PYHIN1: variants seen among roughly 807,000 people sequenced by gnomAD.
The protein encoded by PYHIN1 is pyrin and HIN domain family member 1, also known as pyrin and HIN domain-containing protein 1.
PYHIN1 carries 32 observed loss-of-function variants against 43.7 expected under a neutral mutation model. That is an observed-to-expected ratio of 0.73 (90% CI 0.55 to 0.98). PYHIN1 has a LOEUF of 0.98. PYHIN1 is among the 50% of genes least tolerant of loss of function. The pLI is 0.00. For synonymous variants in PYHIN1, 205 were observed against 203.1 expected (o/e 1.01, Z -0.08); for missense variants, 588 against 589.5 (o/e 1.00, Z 0.03).
At chr1:158,981,672 T>C (rs1651489544), downstream of PYHIN1, among the ~76,000 whole-genome samples, 1 of 152,140 alleles carries the variant, frequency 6.6e-6, no homozygotes, top group Admixed American at 6.5e-5. Flanking sequence ...AGCATCAGGA[T>C]CACTGGCTAG....
intron 7 of PYHIN1, among the ~76,000 whole-genome samples, chr1:158,963,908 A>T (rs551195360): frequency 3.9e-5 from 6 of 152,374 alleles, no homozygotes; most frequent in African/African-American, 1.4e-4. Flanking sequence ...TGACAGAAAT[A>T]GAATTCAGAA....
chr1:158,945,077 C>A (rs201861449), intron 7 of PYHIN1, 35 bp downstream of exon 7: 17 of 1,567,122 alleles, frequency 1.1e-5, no homozygotes, highest in Admixed American at 1.9e-5. Context: ...TCTTATCTCC[C>A]AAATATAAAT....
intron 7 of PYHIN1, among the ~76,000 whole-genome samples, chr1:158,957,776 G>T (rs1443076772): frequency 3.4e-5 from 5 of 146,266 alleles, no homozygotes; most frequent in South Asian, 2.3e-4. Context: ...AAACTAAAGA[G>T]CTTCTGCACA....
chr1:158,967,668 G>A (rs2101724267), intron 7 of PYHIN1, among the ~76,000 whole-genome samples: 1 of 152,118 alleles, frequency 6.6e-6, no homozygotes, highest in South Asian at 2.1e-4. Flanking sequence ...AAAGCTGGAG[G>A]TATCACTTGA....
chr1:158,938,310 G>C lies in PYHIN1; in HGVS notation c.266-87G>C, dbSNP rs923405550. 2.1e-6 allele frequency: 3 copies of C among 1,397,718 alleles called. No individual in the cohort carries two copies. The African/African-American group carries it at 4.3e-5, about 20-fold the overall frequency. The allele number at this position is 1,397,718 out of a possible 1,614,324, so 86.6% of individuals were successfully genotyped here. On this transcript the variant is annotated intron_variant, in intron 2 of 8. Transcript: ENST00000368140. ...AAAATACACCTGAACCCTCAAGCAG[G>C]AGCTAAGAGCAAATAGTATTGAAAC...
At chr1:158,990,666 T>C in the PYHIN1 span, among the ~76,000 whole-genome samples, 8 of 152,302 alleles carry the variant, frequency 5.3e-5, no homozygotes, top group African/African-American at 1.7e-4. Context: ...ATTTTCCCAT[T>C]TCTCCCTCCC....
In PYHIN1 at chr1:158,933,287, T is replaced by C. The variant is rs941975154; in HGVS notation, c.-21+1511T>C. On this transcript the variant is annotated intron_variant, in intron 1 of 8. Coordinates refer to ENST00000368140, the MANE Select transcript of PYHIN1 (RefSeq NM_152501.5). This position sits in a 1 kb window ranked among gnomAD's most constrained non-coding sequence, Gnocchi z 6.3. ...ATATGTGTGTATATGAAGATAAATA[T>C]ATTATATAACATTATATTATCATGA... is the stretch of plus-strand genomic sequence containing the variant. 1.3e-5 allele frequency among the ~76,000 whole-genome samples: 2 copies of C among 151,300 alleles called. No individual in the cohort carries two copies. The highest frequency in any genetic ancestry group is 4.8e-5 in the African/African-American group (2 of 41,320).
At chr1:158,961,518 T>C (rs937813149) in intron 7 of PYHIN1, among the ~76,000 whole-genome samples, 5 of 151,252 alleles carry the variant, frequency 3.3e-5, no homozygotes, top group Admixed American at 6.6e-5. Context: ...AGGTGGACCA[T>C]TGAGATCCAC....
chr1:158,942,956 G>A (rs910924759), intron 5 of PYHIN1, among the ~76,000 whole-genome samples: 1 of 152,102 alleles, frequency 6.6e-6, no homozygotes, highest in Non-Finnish European at 1.5e-5. Context: ...ATAAATTTGG[G>A]TGATACTTGG....
In PYHIN1 at chr1:158,936,947, G is replaced by A; in HGVS notation, c.37G>A (p.Gly13Arg). ...CTACAAGAAAATTGTTCTACTGAAA[G>A]GATTAGAGGTCATCAATGATTATCA... Reference protein sequence around the residue: ...NNYKKIVLLKGLEVINDYHFR... With the variant: ...NNYKKIVLLKRLEVINDYHFR... Residue 13 changes from glycine to arginine, a missense_variant, in exon 2 of 9, where the codon GGA becomes AGA. Physicochemically the swap from Gly to Arg is moderately radical, Grantham distance 125 (BLOSUM62 -2). Coordinates refer to ENST00000368140, the MANE Select transcript of PYHIN1 (RefSeq NM_152501.5). 1.2e-6 allele frequency: 2 copies of A among 1,600,342 alleles called. No homozygotes were observed. The highest frequency in any genetic ancestry group is 1.7e-6 in the Non-Finnish European group (2 of 1,175,250).
chr1:158,977,068 G>A (rs541132508), downstream of PYHIN1: 1 of 153,550 alleles, frequency 6.5e-6, no homozygotes, highest in South Asian at 2.1e-4. Flanking sequence ...TGCTTCCATA[G>A]GAGTTTCTTT....
At chr1:158,967,467 T>G (rs1401454604) in intron 7 of PYHIN1, among the ~76,000 whole-genome samples, 25 of 151,986 alleles carry the variant, frequency 1.6e-4, no homozygotes, top group Non-Finnish European at 3.2e-4. Context: ...TAGGAAAAGT[T>G]CCATGCTCAT....
chr1:158,963,586 G>A (rs1650454577), intron 7 of PYHIN1, among the ~76,000 whole-genome samples: 1 of 152,180 alleles, frequency 6.6e-6, no homozygotes, highest in Admixed American at 6.5e-5. Flanking sequence ...CCCTGCATAT[G>A]GCAGAGCAAG....
chr1:158,973,670 A>T lies in PYHIN1; in HGVS notation c.1383A>T (p.Ala461=). The change falls in exon 8 of 9, where the codon GCA becomes GCT. Residue 461 remains alanine, a synonymous_variant. Transcript: ENST00000368140. ...FTKKDETHPG[A]QSSPANFRIT... is the part of the protein sequence containing the mutation. ...AGAAGGATGAAACCCACCCAGGAGC[A>T]CAGTCATCGCCTGCAAACTTTAGAA... 1 of 1,613,230 alleles carries T rather than the reference A, an allele frequency of 6.2e-7. No individual in the cohort carries two copies. Among genetic ancestry groups the T allele is most frequent in the Non-Finnish European group, 8.5e-7 (1 of 1,179,464 alleles).
intron 7 of PYHIN1, among the ~76,000 whole-genome samples, chr1:158,967,757 T>A (rs112955780): frequency 0.1 from 15,230 of 151,936 alleles, 927 homozygotes; most frequent in Non-Finnish European, 0.12. Context: ...CATAGACCAA[T>A]GAAACAGAAT....
Position 158,937,192 on chromosome 1 carries a change from A to T in PYHIN1, c.265+17A>T. On this transcript the variant is annotated intron_variant, in intron 2 of 8. Transcript: ENST00000368140. ...AGTTAAAAGGTAATTGGGAAGAGGGAACACCCACTCCCTGCAATGATCCCC... is the reference window on the plus strand; with the variant it reads ...AGTTAAAAGGTAATTGGGAAGAGGGTACACCCACTCCCTGCAATGATCCCC... 6.4e-7 allele frequency: 1 copy of T among 1,556,560 alleles called. No individual in the cohort carries two copies. Among genetic ancestry groups the T allele is most frequent in the Non-Finnish European group, 8.7e-7 (1 of 1,154,692 alleles).
rs541452751 is a variant in PYHIN1 at position 158,940,606 on chromosome 1, AT to A, written c.579+1360del. ...TCTAATGAGCTTTATTATTAAAAAA[AT>A]GTTCTATATTTCTGATACACAATAA... On this transcript the variant is annotated intron_variant, in intron 4 of 8. Coordinates refer to ENST00000368140, the MANE Select transcript of PYHIN1 (RefSeq NM_152501.5). 1.2e-3 allele frequency among the ~76,000 whole-genome samples: 190 copies of A among 152,354 alleles called. 1 individual carries two copies. The highest frequency in any genetic ancestry group is 1.6e-3 in the Non-Finnish European group (111 of 68,026).
intron 7 of PYHIN1, among the ~76,000 whole-genome samples, chr1:158,968,754 C>G (rs767287897): frequency 3.3e-5 from 5 of 149,652 alleles, no homozygotes; most frequent in Non-Finnish European, 7.4e-5. Context: ...CCATGGAATA[C>G]TACACAGCCA....
At chr1:158,932,998 A>G (rs1648257467) in intron 1 of PYHIN1, among the ~76,000 whole-genome samples, 1 of 152,002 alleles carries the variant, frequency 6.6e-6, no homozygotes, top group Admixed American at 6.6e-5. Flanking sequence ...TATATATGTT[A>G]GATAAATATT....
Sources: gnomAD v4.1 joint callset for allele counts (sites outside exome capture counted in the v4.1 genomes callset) on GRCh38, gnomAD v4.1.1 for gene constraint, Gnocchi (gnomAD v3.1) non-coding constraint, MANE v1.5 for transcripts, NCBI Gene and HGNC (gene_info 2026-07-23, HGNC 2026-07-21) for gene names.